The following EDN3 variants were observed in gnomAD, a reference collection of about 807,000 sequenced individuals.
EDN3 encodes the protein endothelin 3.
Under a neutral mutation model 21.4 loss-of-function variants are expected in EDN3, and 9 were observed. The observed-to-expected ratio is 0.42, with a 90% CI of 0.25 to 0.73. EDN3 has a LOEUF of 0.73. EDN3 is among the 30% of genes least tolerant of loss of function. The probability of loss-of-function intolerance (pLI) is 0.26; values close to 1 mark genes in which losing one functional copy is unlikely to be tolerated. For synonymous variants in EDN3, 133 were observed against 126.2 expected (o/e 1.05, Z -0.36); for missense variants, 327 against 309.4 (o/e 1.06, Z -0.43).
In EDN3 at chr20:59,319,739, A is replaced by AG. The variant is rs1200150622; in HGVS notation, c.366-1278_366-1277insG. Reference sequence around the variant, plus strand: ...GAGACTCTGTCTCAAAAAAAAAAAAAAAAGAAAAAAAAGAAAAAAAGAAAA... The same window carrying AG: ...GAGACTCTGTCTCAAAAAAAAAAAAAGAAAGAAAAAAAAGAAAAAAAGAAAA... On this transcript the variant is annotated intron_variant, in intron 2 of 4. Coordinates refer to ENST00000337938, the MANE Select transcript of EDN3 (RefSeq NM_207034.3). Among the ~76,000 whole-genome samples, 630 of 151,460 alleles carry AG rather than the reference A, an allele frequency of 4.2e-3. 5 individuals are homozygous for AG. The highest frequency in any genetic ancestry group is 0.015 in the African/African-American group (607 of 41,172).
intron 2 of EDN3, among the ~76,000 whole-genome samples, chr20:59,302,008 G>T (rs1383303604): frequency 2.0e-5 from 3 of 152,152 alleles, no homozygotes; most frequent in African/African-American, 7.2e-5. Flanking sequence ...TGACCAGGGG[G>T]ATTAGATACC....
chr20:59,312,279 G>T (rs1989882394), intron 2 of EDN3, among the ~76,000 whole-genome samples: 1 of 152,178 alleles, frequency 6.6e-6, no homozygotes, highest in Admixed American at 6.5e-5. Flanking sequence ...ATGCATTTTG[G>T]TTGTACCAGA....
rs1989343966 is a variant in EDN3 at position 59,305,467 on chromosome 20, A to G, written c.365+3745A>G. 6.6e-6 allele frequency among the ~76,000 whole-genome samples: 1 copy of G among 152,216 alleles called. No homozygotes were observed. The highest frequency in any genetic ancestry group is 2.4e-5 in the African/African-American group (1 of 41,456). On this transcript the variant is annotated intron_variant, in intron 2 of 4. Coordinates refer to ENST00000337938, the MANE Select transcript of EDN3 (RefSeq NM_207034.3). The surrounding 1 kb of genome is among the most constrained non-coding windows in gnomAD (Gnocchi z 4.2). ...GAGTCAGGGTTCTCTAGAGAGACAG[A>G]ACCAACAGGGTGTGTGCATGTCTGC...
chr20:59,322,264 C>T lies in EDN3; in HGVS notation c.543-108C>T, dbSNP rs1041322542. Reference sequence around the variant, plus strand: ...TGCCTGAGACGCAGTCCTTGGGGAACGCACTAATGTGCTCATTGGTGGGGA... The same window carrying T: ...TGCCTGAGACGCAGTCCTTGGGGAATGCACTAATGTGCTCATTGGTGGGGA... On this transcript the variant is annotated intron_variant, in intron 3 of 4. Coordinates refer to ENST00000337938, the MANE Select transcript of EDN3 (RefSeq NM_207034.3). This position sits in a 1 kb window ranked among gnomAD's most constrained non-coding sequence, Gnocchi z 4.1. The T allele has an allele frequency of 3.0e-5, 37 of 1,233,144 alleles. No homozygotes were observed. The highest frequency in any genetic ancestry group is 4.2e-5 in the Non-Finnish European group (35 of 839,212). The allele number at this position is 1,233,144 out of a possible 1,614,324, so 76.4% of individuals were successfully genotyped here.
At chr20:59,320,983 G>A (rs1272780162) in intron 2 of EDN3, 34 bp from the exon 3 acceptor site, 4 of 1,613,598 alleles carry the variant, frequency 2.5e-6, no homozygotes, top group Non-Finnish European at 3.4e-6. Context: ...GGAGGCCTGG[G>A]TGTGCTCACC....
At chr20:59,302,243 C>T (rs771096961) in intron 2 of EDN3, among the ~76,000 whole-genome samples, 1 of 152,156 alleles carries the variant, frequency 6.6e-6, no homozygotes, top group Admixed American at 6.5e-5. Flanking sequence ...CTGGGATGGG[C>T]TCCCTTCCTT....
In EDN3 at chr20:59,322,535, C is replaced by T; in HGVS notation, c.588+118C>T. 1 of 1,369,308 alleles carries T rather than the reference C, an allele frequency of 7.3e-7. No homozygotes were observed. 84.8% of individuals were successfully genotyped at this position (1,369,308 alleles called of 1,614,324 possible). ...GCATCTGGTCTGGTCCAGTGGGAACCCCAGATCTCATGGGATGCTGCACCC... is the reference window on the plus strand; with the variant it reads ...GCATCTGGTCTGGTCCAGTGGGAACTCCAGATCTCATGGGATGCTGCACCC... On this transcript the variant is annotated intron_variant, in intron 4 of 4. Coordinates refer to ENST00000337938, the MANE Select transcript of EDN3 (RefSeq NM_207034.3). The surrounding 1 kb of genome is among the most constrained non-coding windows in gnomAD (Gnocchi z 4.1).
At position 59,324,599 on chromosome 20, in the gene EDN3, C is replaced by T; in HGVS notation, c.*140C>T. 1.2e-5 allele frequency: 3 copies of T among 249,250 alleles called. No individual in the cohort carries two copies. The highest frequency in any genetic ancestry group is 1.1e-4 in the East Asian group (1 of 9,494). 15.4% of individuals were successfully genotyped at this position (249,250 alleles called of 1,614,324 possible). ...CCCAAAGAGTCCCCACTTAACAATA[C>T]CCCCCCCCCACGGCAAGAATGCCCA... On this transcript the variant is annotated 3_prime_UTR_variant, in exon 5 of 5. Coordinates refer to ENST00000337938, the MANE Select transcript of EDN3 (RefSeq NM_207034.3).
chr20:59,318,242 C>T (rs374724093), intron 2 of EDN3, among the ~76,000 whole-genome samples: 5 of 152,206 alleles, frequency 3.3e-5, no homozygotes, highest in South Asian at 4.1e-4. Context: ...GGGGCATGCA[C>T]GGGGAGTGCT....
chr20:59,324,200 A>G (rs1296217762), intron 4 of EDN3, 131 bp from the exon 5 acceptor site: 4 of 1,150,326 alleles, frequency 3.5e-6, no homozygotes, highest in South Asian at 1.3e-5. Flanking sequence ...GGGTACATAC[A>G]GTTCCAATCA....
intron 2 of EDN3, among the ~76,000 whole-genome samples, chr20:59,318,645 G>A (rs1035478207): frequency 6.6e-6 from 1 of 152,232 alleles, no homozygotes; most frequent in Admixed American, 6.5e-5. Context: ...GGGCAGGGGA[G>A]GGGGCCGTGC....
rs924528701 is a variant in EDN3 at position 59,301,336 on chromosome 20, C to T, written c.53-74C>T. On this transcript the variant is annotated intron_variant, in intron 1 of 4. Transcript: ENST00000337938. The stretch of plus-strand genomic sequence containing the variant: ...ATTTTGCTTGCTCCACCCCCCTCCT[C>T]AGGTGTTTGGGGGTGGCGGGTGTTG... The T allele has an allele frequency of 4.5e-6, 7 of 1,551,130 alleles. No individual in the cohort carries two copies. The African/African-American group carries it at 5.4e-5, about 12-fold the overall frequency.
In EDN3 at chr20:59,325,611, CTG is replaced by C. The variant is rs569486179; in HGVS notation, c.*1158_*1159del. 6.6e-6 allele frequency: 1 copy of C among 152,168 alleles called. No individual in the cohort carries two copies. The highest frequency in any genetic ancestry group is 2.4e-5 in the African/African-American group (1 of 41,430). 9.4% of individuals were successfully genotyped at this position (152,168 alleles called of 1,614,324 possible). Reference sequence around the variant, plus strand: ...TGGCCTTGACCAAATGTTAAATCCTCTGTGTGTATTTCATAAGTTATTACAGG... The same window carrying C: ...TGGCCTTGACCAAATGTTAAATCCTCTGTGTATTTCATAAGTTATTACAGG... On this transcript the variant is annotated 3_prime_UTR_variant, in exon 5 of 5. Transcript: ENST00000337938.
chr20:59,323,748 G>A (rs796482147), intron 4 of EDN3: 12 of 410,702 alleles, frequency 2.9e-5, no homozygotes, highest in African/African-American at 8.2e-5. Flanking sequence ...GAGTGCAAAC[G>A]CCCTAGAGTG....
intron 2 of EDN3, among the ~76,000 whole-genome samples, chr20:59,307,015 T>C (rs1989478495): frequency 6.6e-6 from 1 of 152,188 alleles, no homozygotes; most frequent in Admixed American, 6.5e-5. Flanking sequence ...CATGGTGGCA[T>C]GTGCCTGTAG....
chr20:59,319,783 G>A (rs1008546809), intron 2 of EDN3, among the ~76,000 whole-genome samples: 2 of 151,622 alleles, frequency 1.3e-5, no homozygotes, highest in Non-Finnish European at 2.9e-5. Context: ...AAAAGAAAAT[G>A]CAGAGGGGAT....
chr20:59,304,454 A>G (rs1481715387), intron 2 of EDN3, among the ~76,000 whole-genome samples: 6 of 152,286 alleles, frequency 3.9e-5, no homozygotes, highest in African/African-American at 1.4e-4. Context: ...TCCCAGCGGC[A>G]GCTGTTCTGG....
Position 59,324,644 on chromosome 20 carries a change from T to C in EDN3, c.*185T>C. 1.3e-6 allele frequency: 1 copy of C among 749,292 alleles called. No individual in the cohort carries two copies. The allele number at this position is 749,292 out of a possible 1,614,324, so 46.4% of individuals were successfully genotyped here. A position where few individuals can be genotyped will look rare whatever the true frequency, so the allele number is the denominator to read the frequency against. ...TGCCCAAATCCGAATGACCCCAGTT[T>C]TCCTAATGAGTAAAATGATCCCAGA... On this transcript the variant is annotated 3_prime_UTR_variant, in exon 5 of 5. Coordinates refer to ENST00000337938, the MANE Select transcript of EDN3 (RefSeq NM_207034.3).
In EDN3 at chr20:59,324,349, C is replaced by T; in HGVS notation, c.607C>T (p.Gln203Ter). The T allele has an allele frequency of 2.5e-6, 4 of 1,614,086 alleles. No homozygotes were observed. The highest frequency in any genetic ancestry group is 2.2e-5 in the East Asian group (1 of 44,874). Residue 203 changes from glutamine to a stop codon, truncating the protein, a stop_gained, in exon 5 of 5, where the codon CAA (glutamine) becomes TAA (stop). Coordinates refer to ENST00000337938, the MANE Select transcript of EDN3 (RefSeq NM_207034.3). LOFTEE classifies it low-confidence loss of function (END_TRUNC). ...AAGACAGGTTGAAGTCAAGGACCAACAAAGCAAGCAGGCTTTAGACCTCCA... is the reference window on the plus strand; with the variant it reads ...AAGACAGGTTGAAGTCAAGGACCAATAAAGCAAGCAGGCTTTAGACCTCCA... ...EEGKVEVKDQ[Q>*]SKQALDLHHP...
Sources: allele counts gnomAD v4.1 joint callset (sites outside exome capture counted in the v4.1 genomes callset), GRCh38; gene constraint gnomAD v4.1.1; non-coding constraint Gnocchi (gnomAD v3.1); transcripts MANE v1.5; gene names NCBI Gene and HGNC (gene_info 2026-07-23, HGNC 2026-07-21).